PRKAA1: variants seen among roughly 807,000 people sequenced by gnomAD.
The protein encoded by PRKAA1 is 5'-AMP-activated protein kinase catalytic subunit alpha-1.
In PRKAA1, 23 loss-of-function variants were observed where a neutral mutation model predicts 56.9. The observed-to-expected ratio is 0.40, with a 90% CI of 0.29 to 0.57. The LOEUF is 0.57. Among genes scored for constraint, PRKAA1 ranks in the 20% least tolerant of loss-of-function variants. PRKAA1 has a pLI of 0.39. For missense variants in PRKAA1, 413 were observed against 679.7 expected (o/e 0.61, Z 4.36); for synonymous variants, 226 against 227.0 (o/e 1.00, Z 0.04).
At chr5:40,775,057 G>T in intron 3 of PRKAA1, 1 of 1,019,096 alleles carries the variant, frequency 9.8e-7, no homozygotes, top group Non-Finnish European at 1.5e-6. Context: ...AATATATTTT[G>T]TAACGATTAA....
At chr5:40,767,743 G>A in intron 5 of PRKAA1, 53 bp from the exon 6 acceptor site, 1 of 1,457,936 alleles carries the variant, frequency 6.9e-7, no homozygotes, top group Non-Finnish European at 9.4e-7. Context: ...CTAAGATTCA[G>A]TTCATCAAAA....
Position 40,769,474 on chromosome 5 carries a change from A to G in PRKAA1, c.538T>C (p.Phe180Leu), listed in dbSNP as rs780459093. The change falls in exon 5 of 9, where the codon TTT becomes CTT. Residue 180 changes from phenylalanine to leucine, a missense_variant. Transcript: ENST00000397128. ...GGTGAGCCACAACTTGTTCTTAAAAATTCACCATCTGACATCATGTTTGAA... is the reference window on the plus strand; with the variant it reads ...GGTGAGCCACAACTTGTTCTTAAAAGTTCACCATCTGACATCATGTTTGAA... ...GLSNMMSDGE[F>L]LRTSCGSPNY... The G allele has an allele frequency of 1.2e-6, 2 of 1,610,970 alleles. No homozygotes were observed. The highest frequency in any genetic ancestry group is 3.4e-5 in the Admixed American group (2 of 59,688).
chr5:40,765,356 GTCA>G, intron 6 of PRKAA1, 118 bp from the exon 7 acceptor site: 1 of 1,219,616 alleles, frequency 8.2e-7, no homozygotes, highest in Non-Finnish European at 1.1e-6. Context: ...CTGTATTATT[GTCA>G]CTTTTTGCAC....
intron 1 of PRKAA1, among the ~76,000 whole-genome samples, chr5:40,793,029 T>G (rs1267324220): frequency 6.7e-6 from 1 of 148,436 alleles, no homozygotes; most frequent in African/African-American, 2.5e-5. Context: ...ATCGCACCAT[T>G]GCACTCCAGC....
intron 6 of PRKAA1, among the ~76,000 whole-genome samples, chr5:40,767,017 C>CA (rs927768828): frequency 6.6e-6 from 1 of 151,042 alleles, no homozygotes; most frequent in African/African-American, 2.4e-5. Context: ...AACCTTGTCT[C>CA]AAAAAAAATA....
chr5:40,769,908 T>C (rs1053055263), intron 4 of PRKAA1, among the ~76,000 whole-genome samples: 6 of 142,152 alleles, frequency 4.2e-5, no homozygotes, highest in Non-Finnish European at 9.1e-5. Flanking sequence ...AAAACAGTAA[T>C]TTTGAATTTC....
chr5:40,778,779 A>ATTTTTTTTTTTTTTTTTTTTTT (rs70988808), intron 1 of PRKAA1, among the ~76,000 whole-genome samples: 3 of 57,822 alleles, frequency 5.2e-5, no homozygotes, highest in African/African-American at 8.0e-5. Context: ...CTGTTTTTTA[A>ATTTTTTTTTTTTTTTTTTTTTT]TTTTTTTTTT....
At chr5:40,766,628 A>T (rs1255200259) in intron 6 of PRKAA1, among the ~76,000 whole-genome samples, 1 of 152,184 alleles carries the variant, frequency 6.6e-6, no homozygotes, top group East Asian at 1.9e-4. Context: ...ATTCCTTGGG[A>T]TTAAAAAAAG....
At chr5:40,797,539 CCTTA>C (rs1744980237) in intron 1 of PRKAA1, among the ~76,000 whole-genome samples, 1 of 152,210 alleles carries the variant, frequency 6.6e-6, no homozygotes, top group Non-Finnish European at 1.5e-5. Flanking sequence ...CACAAAGAAA[CCTTA>C]CTTCTGCGGA....
intron 1 of PRKAA1, chr5:40,790,330 A>C (rs1160662210): frequency 5.9e-5 from 9 of 152,248 alleles, no homozygotes; most frequent in Non-Finnish European, 1.3e-4. Context: ...ACACATGTAC[A>C]TGAAGACTGG....
At chr5:40,791,142 C>G (rs1029576533) in intron 1 of PRKAA1, among the ~76,000 whole-genome samples, 11 of 152,194 alleles carry the variant, frequency 7.2e-5, no homozygotes, top group Non-Finnish European at 1.5e-4. Context: ...AAATATTCTC[C>G]CCAGTGAGTA....
At chr5:40,764,090 C>T (rs1743312296) in intron 8 of PRKAA1, among the ~76,000 whole-genome samples, 2 of 152,174 alleles carry the variant, frequency 1.3e-5, no homozygotes, top group East Asian at 3.8e-4. Flanking sequence ...AACAGCGTAG[C>T]TTAATGCAAT....
rs558573824 is a variant in PRKAA1 at position 40,794,579 on chromosome 5, G to C, written c.127+3484C>G. 6.9e-4 allele frequency among the ~76,000 whole-genome samples: 49 copies of C among 70,896 alleles called. 7 individuals are homozygous for C. The highest frequency in any genetic ancestry group is 1.9e-3 in the African/African-American group (49 of 25,848). The allele number at this position is 70,896 out of a possible 152,430, so 46.5% of individuals were successfully genotyped here. A position where few individuals can be genotyped will look rare whatever the true frequency, so the allele number is the denominator to read the frequency against. ...CCTTGCCTAAGCCAATGTCTAGAAG[G>C]GTTTTTCCAATGTTATCTTCTAGAA... On this transcript the variant is annotated intron_variant, in intron 1 of 8. Coordinates refer to ENST00000397128, the MANE Select transcript of PRKAA1 (RefSeq NM_006251.6).
chr5:40,791,186 T>C (rs1392360137), intron 1 of PRKAA1, among the ~76,000 whole-genome samples: 2 of 152,240 alleles, frequency 1.3e-5, no homozygotes, highest in South Asian at 4.1e-4. Context: ...TGCTGTTCCA[T>C]AGTCAATCAA....
chr5:40,763,112 C>A, intron 8 of PRKAA1, 90 bp from the exon 9 acceptor site: 1 of 1,348,078 alleles, frequency 7.4e-7, no homozygotes. Context: ...TTAAGTGGGG[C>A]TGCTGGCCAG....
Position 40,767,387 on chromosome 5 carries a change from G to A in PRKAA1, c.821+79C>T, listed in dbSNP as rs1317859823. ...AAAACAGGATTACACTGTATATTCT[G>A]TTCTGCAACTTTTTTTTTTTCACAT... is the stretch of plus-strand genomic sequence containing the variant. On this transcript the variant is annotated intron_variant, in intron 6 of 8. Transcript: ENST00000397128. 3 of 1,242,638 alleles carry A rather than the reference G, an allele frequency of 2.4e-6. No homozygotes were observed. The African/African-American group carries it at 4.5e-5, about 19-fold the overall frequency. The allele number at this position is 1,242,638 out of a possible 1,614,324, so 77.0% of individuals were successfully genotyped here.
chr5:40,797,919 G>C (rs546150416), intron 1 of PRKAA1, 144 bp downstream of exon 1: 1 of 1,394,904 alleles, frequency 7.2e-7, no homozygotes, highest in Admixed American at 2.4e-5. Context: ...GGCGGCTGGG[G>C]AGAGCTCCCG....
intron 1 of PRKAA1, among the ~76,000 whole-genome samples, chr5:40,792,393 T>G (rs1744753067): frequency 6.6e-6 from 1 of 152,222 alleles, no homozygotes; most frequent in Non-Finnish European, 1.5e-5. Context: ...TTTACAACAA[T>G]ATGGCAGCGA....
rs1743250068 is a variant in PRKAA1 at position 40,762,786 on chromosome 5, C to A, written c.1672G>T (p.Ala558Ser). The A allele has an allele frequency of 1.9e-6, 3 of 1,613,770 alleles. No individual in the cohort carries two copies. The highest frequency in any genetic ancestry group is 1.7e-5 in the Admixed American group (1 of 59,988). Residue 558 changes from alanine (A) to serine (S), a missense_variant, in exon 9 of 9, where the codon GCA becomes TCA. Ala to Ser is a moderately conservative substitution (Grantham distance 99). Transcript: ENST00000397128. ...EMCANLIKIL[A>S]Q ...TAAGCAAAGTTTTCTGTTTATTGTG[C>A]AAGAATTTTAATTAGATTTGCACAC...
Sources: gnomAD v4.1 joint callset for allele counts (sites outside exome capture counted in the v4.1 genomes callset) on GRCh38, gnomAD v4.1.1 for gene constraint, MANE v1.5 for transcripts, NCBI Gene and HGNC (gene_info 2026-07-23, HGNC 2026-07-21) for gene names.